The following SLC5A8 variants were observed in gnomAD, a reference collection of about 807,000 sequenced individuals.
SLC5A8 encodes the protein solute carrier family 5 member 8.
Under a neutral mutation model 71.9 loss-of-function variants are expected in SLC5A8, and 55 were observed. That is an observed-to-expected ratio of 0.77 (90% CI 0.62 to 0.96). The LOEUF (loss-of-function observed/expected upper bound fraction) is 0.96. Among genes scored for constraint, SLC5A8 ranks in the 40% least tolerant of loss-of-function variants. The pLI is 0.00. For missense variants in SLC5A8, 701 were observed against 745.3 expected, an observed-to-expected ratio of 0.94 and a Z score of 0.69; for synonymous variants, 307 against 276.1, an observed-to-expected ratio of 1.11 and a Z score of -1.11.
At chr12:101,183,035 CTTT>C (rs34182928) in intron 8 of SLC5A8, 120 bp from the exon 9 acceptor site, 752 of 74,330 alleles carry the variant, frequency 0.01, no homozygotes, top group South Asian at 0.037. Context: ...TTCTACTATG[CTTT>C]TTTTTTTTTT....
Position 101,162,055 on chromosome 12 carries a change from A to T in SLC5A8, c.1549T>A (p.Tyr517Asn), listed in dbSNP as rs1220369881. Residue 517 changes from tyrosine (Y) to asparagine (N), a missense_variant, in exon 13 of 15, where the codon TAT becomes AAT. By Grantham distance (143) the Tyr-to-Asn change is moderately radical. Transcript: ENST00000536262. ...VQRTPLMDNW[Y>N]SLSYLYFSTV... ...CTGAAGTACAGATATGATAAAGAAT[A>T]CCAGTTATCCATCAGTGGAGTCCTA... 2 of 1,613,558 alleles carry T rather than the reference A, an allele frequency of 1.2e-6. No homozygotes were observed. Among genetic ancestry groups the T allele is most frequent in the Non-Finnish European group, 1.7e-6 (2 of 1,179,722 alleles).
At chr12:101,166,936 G>T (rs954128947) in intron 11 of SLC5A8, among the ~76,000 whole-genome samples, 3 of 151,944 alleles carry the variant, frequency 2.0e-5, no homozygotes, top group Non-Finnish European at 4.4e-5. Flanking sequence ...AGTGAGAAAG[G>T]CCACTTTTAA....
Position 101,157,138 on chromosome 12 carries a change from A to T in SLC5A8, c.*141T>A. 1.1e-6 allele frequency: 1 copy of T among 915,900 alleles called. No individual in the cohort carries two copies. Among genetic ancestry groups the T allele is most frequent in the Non-Finnish European group, 1.6e-6 (1 of 634,342 alleles). 56.7% of individuals were successfully genotyped at this position (915,900 alleles called of 1,614,324 possible). On this transcript the variant is annotated 3_prime_UTR_variant, in exon 15 of 15. Transcript: ENST00000536262. The stretch of plus-strand genomic sequence containing the variant: ...ATGATGTAGTAAATGAAGATAGTCC[A>T]GACTTTGTTTTAACAAAAACTTATC...
intron 10 of SLC5A8, among the ~76,000 whole-genome samples, chr12:101,178,951 T>C (rs542723565): frequency 1.6e-3 from 238 of 151,796 alleles, no homozygotes; most frequent in African/African-American, 5.6e-3. Context: ...CACTCAAAAC[T>C]CACCAGTAAA....
rs1444026418 is a variant in SLC5A8 at position 101,157,341 on chromosome 12, C to G, written c.1771G>C (p.Ala591Pro). Residue 591 changes from alanine (A) to proline (P), a missense_variant, in exon 15 of 15, where the codon GCT becomes CCT. Physicochemically the swap from Ala to Pro is conservative, Grantham distance 27 (BLOSUM62 -1). Transcript: ENST00000536262. ...GAGTTCAATTCAATGTGGTTGAAAG[C>G]AGGATTATCAGTTCCACCATCTTCC... Reference protein sequence around the residue: ...PVEDGGTDNPAFNHIELNSDQ... With the variant: ...PVEDGGTDNPPFNHIELNSDQ... The G allele has an allele frequency of 3.3e-5, 54 of 1,613,116 alleles. No individual in the cohort carries two copies. The highest frequency in any genetic ancestry group is 4.5e-5 in the Non-Finnish European group (53 of 1,179,556).
At chr12:101,175,925 G>A (rs1488201639) in intron 10 of SLC5A8, among the ~76,000 whole-genome samples, 1 of 151,858 alleles carries the variant, frequency 6.6e-6, no homozygotes, top group African/African-American at 2.4e-5. Context: ...ACAACTCACA[G>A]GAAGGCAGAA....
chr12:101,209,242 C>T (rs1869807331), intron 1 of SLC5A8, among the ~76,000 whole-genome samples: 1 of 152,168 alleles, frequency 6.6e-6, no homozygotes, highest in African/African-American at 2.4e-5. Flanking sequence ...ACTTTGGAAG[C>T]CTCTTTTTTT....
rs1219447081 is a variant in SLC5A8 at position 101,166,616 on chromosome 12, C to T, written c.1404G>A (p.Glu468=). The T allele has an allele frequency of 2.5e-6, 4 of 1,613,808 alleles. No individual in the cohort carries two copies. The highest frequency in any genetic ancestry group is 3.4e-6 in the Non-Finnish European group (4 of 1,179,958). The change falls in exon 12 of 15, where the codon GAG becomes GAA. Residue 468 remains glutamate (E), a synonymous_variant. Coordinates refer to ENST00000536262, the MANE Select transcript of SLC5A8 (RefSeq NM_145913.5). The part of the protein sequence containing the change: ...IGAQIYPPLP[E]RTLPLHLDIQ... ...TATCAAGGTGCAATGGCAATGTTCT[C>T]TCAGGAAGTGGAGGATATATTTGAG...
chr12:101,200,848 T>C (rs1869429300), intron 3 of SLC5A8, among the ~76,000 whole-genome samples: 1 of 152,030 alleles, frequency 6.6e-6, no homozygotes, highest in Non-Finnish European at 1.5e-5. Context: ...TTCCAAAATT[T>C]AAAAAAGAAA....
intron 3 of SLC5A8, among the ~76,000 whole-genome samples, chr12:101,199,672 G>C (rs567030309): frequency 6.6e-6 from 1 of 151,982 alleles, no homozygotes; most frequent in East Asian, 1.9e-4. Context: ...CAAGGATGTG[G>C]AATGACTAGA....
intron 13 of SLC5A8, among the ~76,000 whole-genome samples, chr12:101,158,588 C>CTATATATATA (rs2051692954): frequency 1.1e-4 from 4 of 38,064 alleles, no homozygotes; most frequent in African/African-American, 1.6e-4. Context: ...CTCTCTCTCT[C>CTATATATATA]TCTCTCTCTC....
chr12:101,194,155 C>A (rs1380260990), intron 4 of SLC5A8, among the ~76,000 whole-genome samples: 1 of 152,088 alleles, frequency 6.6e-6, no homozygotes, highest in Admixed American at 6.5e-5. Context: ...TGAATTTTAT[C>A]CTACAGGCAG....
intron 3 of SLC5A8, chr12:101,199,270 A>G (rs887874038): frequency 4.6e-5 from 7 of 151,930 alleles, no homozygotes; most frequent in Admixed American, 1.3e-4. Context: ...TTCCTTTTTT[A>G]AAAAATATGG....
At chr12:101,178,869 A>G (rs958607212) in intron 10 of SLC5A8, among the ~76,000 whole-genome samples, 3 of 152,140 alleles carry the variant, frequency 2.0e-5, no homozygotes, top group African/African-American at 4.8e-5. Context: ...GGATAAAAAG[A>G]CAAACTACTG....
At chr12:101,177,356 A>C (rs1163377903) in intron 10 of SLC5A8, among the ~76,000 whole-genome samples, 1 of 151,818 alleles carries the variant, frequency 6.6e-6, no homozygotes, top group Non-Finnish European at 1.5e-5. Flanking sequence ...ATTTTAGACA[A>C]TCTCTCCTAG....
At chr12:101,209,212 A>C (rs1869804560) in intron 1 of SLC5A8, among the ~76,000 whole-genome samples, 1 of 152,202 alleles carries the variant, frequency 6.6e-6, no homozygotes, top group African/African-American at 2.4e-5. Context: ...CATAGCGAGC[A>C]CTACTGTTGC....
intron 2 of SLC5A8, among the ~76,000 whole-genome samples, chr12:101,203,286 G>T (rs576037531): frequency 6.6e-6 from 1 of 152,158 alleles, no homozygotes; most frequent in Admixed American, 6.5e-5. Flanking sequence ...ATATAAAATG[G>T]AGTCAAGTTA....
At chr12:101,202,296 G>T in intron 2 of SLC5A8, 81 bp from the exon 3 acceptor site, 1 of 1,248,174 alleles carries the variant, frequency 8.0e-7, no homozygotes, top group Non-Finnish European at 1.1e-6. Flanking sequence ...AATATTGATT[G>T]TTTTCCTATA....
intron 5 of SLC5A8, among the ~76,000 whole-genome samples, chr12:101,192,900 C>T (rs996911240): frequency 1.4e-5 from 2 of 147,960 alleles, no homozygotes; most frequent in African/African-American, 5.2e-5. Context: ...CTGTCTCTGT[C>T]TCTTTTTTTT....
Sources: gnomAD v4.1 joint callset for allele counts (sites outside exome capture counted in the v4.1 genomes callset) on GRCh38, gnomAD v4.1.1 for gene constraint, MANE v1.5 for transcripts, NCBI Gene and HGNC (gene_info 2026-07-23, HGNC 2026-07-21) for gene names.